The following CEP41 variants were observed in gnomAD, a reference collection of about 807,000 sequenced individuals.
CEP41 encodes centrosomal protein of 41 kDa.
In CEP41, 32 loss-of-function variants were observed where a neutral mutation model predicts 44.3. The ratio of observed to expected loss-of-function variants is 0.72; its 90% CI spans 0.54 to 0.97. The LOEUF (loss-of-function observed/expected upper bound fraction) is 0.97, where lower values mean the gene tolerates loss of function less well. Ranked by LOEUF, CEP41 falls within the 50% of genes least tolerant of loss-of-function variation. The pLI, the probability that CEP41 is intolerant of heterozygous loss-of-function variation, is 0.00. For missense variants in CEP41, 432 were observed against 455.2 expected (o/e 0.95, Z 0.46); for synonymous variants, 151 against 168.5 (o/e 0.90, Z 0.80).
chr7:130,414,321 G>A (rs1233744665), intron 3 of CEP41, among the ~76,000 whole-genome samples: 1 of 152,174 alleles, frequency 6.6e-6, no homozygotes, highest in African/African-American at 2.4e-5. Context: ...CAAATAGGCC[G>A]AGCTGAGGCT....
At chr7:130,409,499 T>C (rs782186487) in intron 5 of CEP41, among the ~76,000 whole-genome samples, 54 of 152,216 alleles carry the variant, frequency 3.5e-4, no homozygotes, top group Non-Finnish European at 5.6e-4. Context: ...CTGTCAAAGA[T>C]AAATTCCTGT....
intron 1 of CEP41, among the ~76,000 whole-genome samples, chr7:130,437,033 T>A (rs1203731820): frequency 6.6e-6 from 1 of 152,006 alleles, no homozygotes; most frequent in African/African-American, 2.4e-5. Context: ...AGTGAGAGTT[T>A]ATCTCAAAAC....
At chr7:130,431,681 A>G (rs35317584) in intron 1 of CEP41, among the ~76,000 whole-genome samples, 26,208 of 152,116 alleles carry the variant, frequency 0.17, 2,264 homozygotes, top group African/African-American at 0.2. Flanking sequence ...GGTTTCTGGC[A>G]AGGGAAAAGC....
chr7:130,426,194 A>C (rs553555765), intron 2 of CEP41, among the ~76,000 whole-genome samples: 109 of 152,396 alleles, frequency 7.2e-4, no homozygotes, highest in African/African-American at 2.5e-3. Flanking sequence ...TACAAAATAT[A>C]TATGTATCTA....
chr7:130,408,309 A>G (rs1446947095), intron 5 of CEP41, among the ~76,000 whole-genome samples: 2 of 152,324 alleles, frequency 1.3e-5, no homozygotes, highest in East Asian at 1.9e-4. Context: ...CAACTAATCA[A>G]GATTTTTTCT....
chr7:130,407,557 A>C (rs916254345), intron 5 of CEP41, among the ~76,000 whole-genome samples: 2 of 152,194 alleles, frequency 1.3e-5, no homozygotes, highest in East Asian at 3.8e-4. Context: ...GAATATAAAT[A>C]AAAAGTCAAT....
At chr7:130,432,345 G>A (rs1417914268) in intron 1 of CEP41, among the ~76,000 whole-genome samples, 2 of 152,062 alleles carry the variant, frequency 1.3e-5, no homozygotes, top group African/African-American at 4.8e-5. Flanking sequence ...GACTCATGTA[G>A]TAACAGGACA....
At chr7:130,401,993 T>C (rs782723830) in intron 7 of CEP41, 45 bp from the exon 8 acceptor site, 6 of 1,360,500 alleles carry the variant, frequency 4.4e-6, no homozygotes, top group Non-Finnish European at 6.3e-6. Context: ...GTTCTCTTAA[T>C]ACAACTTGGC....
At position 130,440,811 on chromosome 7, in the gene CEP41, C is replaced by G. The variant is rs572396799; in HGVS notation, c.33+123G>C. ...GCCCCGCCCCTGCATCCCGACCCCT[C>G]CTCACGCCGGCCCCTTCCCGCCTTC... is the stretch of plus-strand genomic sequence containing the variant. On this transcript the variant is annotated intron_variant, in intron 1 of 10. Coordinates refer to ENST00000223208, the MANE Select transcript of CEP41 (RefSeq NM_018718.3). 84 of 892,338 alleles carry G rather than the reference C, an allele frequency of 9.4e-5. No homozygotes were observed. In the African/African-American group the frequency reaches 1.3e-3, roughly 14 times the overall value. The allele number at this position is 892,338 out of a possible 1,614,324, so 55.3% of individuals were successfully genotyped here. A position where few individuals can be genotyped will look rare whatever the true frequency, so the allele number is the denominator to read the frequency against.
At chr7:130,417,421 T>C (rs1797369946) in intron 2 of CEP41, 1 of 915,622 alleles carries the variant, frequency 1.1e-6, no homozygotes, top group Non-Finnish European at 1.3e-6. Context: ...CTCGGCTTTG[T>C]CTTCACAGTT....
intron 5 of CEP41, among the ~76,000 whole-genome samples, chr7:130,406,152 T>C (rs1377496015): frequency 6.6e-6 from 1 of 152,236 alleles, no homozygotes; most frequent in Non-Finnish European, 1.5e-5. Flanking sequence ...AAATTTTTAA[T>C]ACACTAAATA....
chr7:130,420,969 T>C (rs1797490583), intron 2 of CEP41: 35 of 980,670 alleles, frequency 3.6e-5, no homozygotes, highest in East Asian at 1.1e-4. Flanking sequence ...TGTTATGTGC[T>C]ACATATATGA....
rs1465574725 is a variant in CEP41 at position 130,440,958 on chromosome 7, G to A, written c.9C>T (p.Leu3=). The A allele has an allele frequency of 6.2e-7, 1 of 1,612,688 alleles. No homozygotes were observed. Among genetic ancestry groups the A allele is most frequent in the Non-Finnish European group, 8.5e-7 (1 of 1,180,020 alleles). Residue 3 remains leucine, a synonymous_variant, in exon 1 of 11, where the codon CTC becomes CTT. Transcript: ENST00000223208. The part of the protein sequence containing the change: MS[L]RRHIGNPEYL... Reference sequence around the variant, plus strand: ...CCTCAGGGTTCCCAATGTGCCTCCGGAGGGACATATTTTCTCCAACCGACC... The same window carrying A: ...CCTCAGGGTTCCCAATGTGCCTCCGAAGGGACATATTTTCTCCAACCGACC...
intron 4 of CEP41, chr7:130,411,949 T>C (rs1211201897): frequency 6.6e-6 from 3 of 455,882 alleles, no homozygotes; most frequent in East Asian, 3.7e-5. Flanking sequence ...GAATTAAAAG[T>C]AGGGCAAACA....
At chr7:130,399,068 G>C in intron 10 of CEP41, 29 bp from the exon 11 acceptor site, 3 of 1,612,416 alleles carry the variant, frequency 1.9e-6, no homozygotes, top group Non-Finnish European at 1.7e-6. Flanking sequence ...AAGGAACAGA[G>C]CTGCAAGAAT....
Position 130,412,194 on chromosome 7 carries a change from T to G in CEP41, c.192A>C (p.Thr64=). The G allele has an allele frequency of 6.4e-7, 1 of 1,553,986 alleles. No individual in the cohort carries two copies. Among genetic ancestry groups the G allele is most frequent in the South Asian group, 1.1e-5 (1 of 89,842 alleles). ...AGAAACTTACCAGCTGGGCAAAAGT[T>G]GTAACTTTTAGTCTCTTGAAAAGCT... ...KDELFKRLKV[T]TFAQLIIQVA... The change falls in exon 4 of 11, where the codon ACA becomes ACC. Residue 64 remains threonine (T), a synonymous_variant. Coordinates refer to ENST00000223208, the MANE Select transcript of CEP41 (RefSeq NM_018718.3).
chr7:130,428,914 A>AAAT (rs1797744860), intron 1 of CEP41, among the ~76,000 whole-genome samples: 1 of 150,536 alleles, frequency 6.6e-6, no homozygotes. Context: ...CTGTCTCAAA[A>AAAT]AAATAAATAA....
intron 1 of CEP41, among the ~76,000 whole-genome samples, chr7:130,434,967 C>T (rs938483812): frequency 6.6e-6 from 1 of 152,058 alleles, no homozygotes; most frequent in Non-Finnish European, 1.5e-5. Context: ...AACTGTGATA[C>T]AACCACACCA....
rs536530559 is a variant in CEP41, at chr7:130,440,821, G to C, written c.33+113C>G. The C allele has an allele frequency of 1.1e-3, 972 of 892,864 alleles. 4 individuals carry two copies. Among genetic ancestry groups the C allele is most frequent in the South Asian group, 1.8e-3 (140 of 77,446 alleles). The allele number at this position is 892,864 out of a possible 1,614,324, so 55.3% of individuals were successfully genotyped here. A position where few individuals can be genotyped will look rare whatever the true frequency, so the allele number is the denominator to read the frequency against. ...TGCATCCCGACCCCTCCTCACGCCG[G>C]CCCCTTCCCGCCTTCCGGGCGGCGG... On this transcript the variant is annotated intron_variant, in intron 1 of 10. Transcript: ENST00000223208.
Sources: gnomAD v4.1 joint callset for allele counts (sites outside exome capture counted in the v4.1 genomes callset) on GRCh38, gnomAD v4.1.1 for gene constraint, MANE v1.5 for transcripts, NCBI Gene and HGNC (gene_info 2026-07-23, HGNC 2026-07-21) for gene names.